RALYL: variants seen among roughly 807,000 people sequenced by gnomAD.
The protein encoded by RALYL is RALY RNA binding protein like.
In RALYL, 29 loss-of-function variants were observed where a neutral mutation model predicts 35.1. The observed-to-expected ratio is 0.83, with a 90% CI of 0.61 to 1.13. The LOEUF is 1.13. Among genes scored for constraint, RALYL ranks in the 50% most tolerant of loss-of-function variants. The probability of loss-of-function intolerance (pLI) is 0.00; values close to 1 mark genes in which losing one functional copy is unlikely to be tolerated. For synonymous variants in RALYL, 120 were observed against 127.6 expected, an observed-to-expected ratio of 0.94 and a Z score of 0.40; for missense variants, 359 against 360.4, an observed-to-expected ratio of 1.00 and a Z score of 0.03.
chr8:84,722,887 G>C (rs60441607), intron 2 of RALYL, among the ~76,000 whole-genome samples: 35,894 of 150,496 alleles, frequency 0.24, 4,481 homozygotes, highest in African/African-American at 0.28. Context: ...ATTTATAAAG[G>C]CAGTAAAAAT....
chr8:84,599,590 A>T (rs1408891546), intron 2 of RALYL, among the ~76,000 whole-genome samples: 3 of 152,020 alleles, frequency 2.0e-5, no homozygotes, highest in Admixed American at 2.0e-4. Flanking sequence ...GCTTCCTACC[A>T]TGGTTAAAAC....
chr8:84,365,728 C>G (rs1051645856), intron 1 of RALYL, among the ~76,000 whole-genome samples: 1 of 152,116 alleles, frequency 6.6e-6, no homozygotes, highest in South Asian at 2.1e-4. Context: ...ATACAGACAA[C>G]AGAAGGCAGT....
intron 1 of RALYL, among the ~76,000 whole-genome samples, chr8:84,191,194 G>GA (rs1813784015): frequency 6.6e-6 from 1 of 151,492 alleles, no homozygotes; most frequent in Admixed American, 6.6e-5. Flanking sequence ...GTGTGTGTGT[G>GA]TGTGTGTGTG....
chr8:84,749,986 T>C (rs181949271), intron 2 of RALYL, among the ~76,000 whole-genome samples: 140 of 152,258 alleles, frequency 9.2e-4, no homozygotes, highest in African/African-American at 3.1e-3. Context: ...GCTAAATTAT[T>C]GAAGGGCATT....
chr8:84,358,545 A>G (rs1357649577), intron 1 of RALYL, among the ~76,000 whole-genome samples: 2 of 152,056 alleles, frequency 1.3e-5, no homozygotes, highest in Admixed American at 6.6e-5. Flanking sequence ...TTAGTGAATG[A>G]TGGATTAGTA....
chr8:84,709,912 T>C (rs903882230), intron 2 of RALYL, among the ~76,000 whole-genome samples: 1 of 151,922 alleles, frequency 6.6e-6, no homozygotes, highest in South Asian at 2.1e-4. Flanking sequence ...AATACCAAAA[T>C]TAGCTGGGCG....
chr8:84,299,040 G>A (rs1376117992), intron 1 of RALYL, among the ~76,000 whole-genome samples: 1 of 151,886 alleles, frequency 6.6e-6, no homozygotes, highest in Non-Finnish European at 1.5e-5. Flanking sequence ...CTATTTGGAT[G>A]CCTTTTATTT....
intron 5 of RALYL, among the ~76,000 whole-genome samples, chr8:84,860,705 T>A (rs1837937400): frequency 6.6e-6 from 1 of 152,206 alleles, no homozygotes; most frequent in South Asian, 2.1e-4. Context: ...GGACTTTGCT[T>A]AGTCACAGAA....
chr8:84,396,783 GA>G (rs201616022), intron 1 of RALYL, among the ~76,000 whole-genome samples: 4,031 of 149,834 alleles, frequency 0.027, 170 homozygotes, highest in African/African-American at 0.093. Flanking sequence ...GAAAATATTT[GA>G]AAAAAAAAGT....
At chr8:84,700,253 A>G (rs1839947748) in intron 2 of RALYL, among the ~76,000 whole-genome samples, 1 of 152,154 alleles carries the variant, frequency 6.6e-6, no homozygotes, top group Non-Finnish European at 1.5e-5. Context: ...AAATAAAATC[A>G]ATTGTAATTG....
rs1162353287 is a variant in RALYL, at chr8:84,873,404, G to T, written c.685+7G>T. 1 of 1,514,276 alleles carries T rather than the reference G, an allele frequency of 6.6e-7. No individual in the cohort carries two copies. The highest frequency in any genetic ancestry group is 1.8e-5 in the Admixed American group (1 of 54,986). 93.8% of individuals were successfully genotyped at this position (1,514,276 alleles called of 1,614,324 possible). ...CAGCAGAAGGCGGAGGCAGGTAAGT[G>T]ATCTCTGATCACAGACAGGTCAGAA... On this transcript the variant is annotated splice_region_variant and intron_variant, in intron 7 of 8. Transcript: ENST00000521268.
intron 2 of RALYL, among the ~76,000 whole-genome samples, chr8:84,620,143 C>T (rs1382356243): frequency 6.6e-6 from 1 of 152,086 alleles, no homozygotes; most frequent in Non-Finnish European, 1.5e-5. Context: ...GTTGGCCTGC[C>T]TTGCTAGATT....
At chr8:84,639,273 A>G (rs1286634321) in intron 2 of RALYL, among the ~76,000 whole-genome samples, 1 of 151,900 alleles carries the variant, frequency 6.6e-6, no homozygotes, top group Non-Finnish European at 1.5e-5. Flanking sequence ...AACATAGAGA[A>G]AAAGAAAAAC....
At chr8:84,443,490 A>G (rs966281360) in intron 1 of RALYL, among the ~76,000 whole-genome samples, 1 of 152,170 alleles carries the variant, frequency 6.6e-6, no homozygotes. Flanking sequence ...TTGTCATGCA[A>G]ATATGAACAA....
chr8:84,602,885 T>G (rs1053578888), intron 2 of RALYL, among the ~76,000 whole-genome samples: 1 of 152,034 alleles, frequency 6.6e-6, no homozygotes, highest in East Asian at 1.9e-4. Flanking sequence ...TTGAGAATAA[T>G]GGTAGGGGAG....
chr8:84,584,802 A>G (rs1283321148), intron 2 of RALYL, among the ~76,000 whole-genome samples: 2 of 152,156 alleles, frequency 1.3e-5, no homozygotes, highest in South Asian at 2.1e-4. Context: ...CTAAGTTGAG[A>G]AAAAAAGAAA....
At chr8:84,208,366 A>T (rs1818584261) in intron 1 of RALYL, among the ~76,000 whole-genome samples, 1 of 152,154 alleles carries the variant, frequency 6.6e-6, no homozygotes, top group Non-Finnish European at 1.5e-5. Flanking sequence ...TAGAAACATT[A>T]TCATGAGTAA....
intron 1 of RALYL, among the ~76,000 whole-genome samples, chr8:84,438,692 CT>C (rs1475570109): frequency 6.6e-6 from 1 of 151,940 alleles, no homozygotes; most frequent in Non-Finnish European, 1.5e-5. Context: ...GTACCCAGCC[CT>C]TCTAGGATTC....
intron 1 of RALYL, among the ~76,000 whole-genome samples, chr8:84,435,011 A>G (rs2047549157): frequency 6.6e-6 from 1 of 152,192 alleles, no homozygotes; most frequent in Non-Finnish European, 1.5e-5. Flanking sequence ...TTTCAAGAAT[A>G]TGACATGACC....
Sources: gnomAD v4.1 joint callset for allele counts (sites outside exome capture counted in the v4.1 genomes callset) on GRCh38, gnomAD v4.1.1 for gene constraint, MANE v1.5 for transcripts, NCBI Gene and HGNC (gene_info 2026-07-23, HGNC 2026-07-21) for gene names.